Variants in IL1RAPL2 observed in about 807,000 individuals in gnomAD.
IL1RAPL2 encodes X-linked interleukin-1 receptor accessory protein-like 2.
A neutral mutation model predicts 44.1 loss-of-function variants in IL1RAPL2; 3 were observed. The ratio of observed to expected loss-of-function variants is 0.07; its 90% CI spans 0.03 to 0.18. IL1RAPL2 has a LOEUF of 0.18. IL1RAPL2 is among the 10% of genes least tolerant of loss of function. The pLI is 1.00. For missense variants in IL1RAPL2, 391 were observed against 496.4 expected, an observed-to-expected ratio of 0.79 and a Z score of 2.02; for synonymous variants, 181 against 178.8, an observed-to-expected ratio of 1.01 and a Z score of -0.10.
At chrX:105,391,845 G>C (rs1422079960) in intron 5 of IL1RAPL2, among the ~76,000 whole-genome samples, 1 of 85,033 alleles carries the variant, frequency 1.2e-5, no homozygotes, top group Admixed American at 1.4e-4. Context: ...GTCCTTTGTA[G>C]GGACATGGAT....
intron 2 of IL1RAPL2, among the ~76,000 whole-genome samples, chrX:104,867,582 G>C (rs755692402): frequency 1.1e-4 from 12 of 111,865 alleles, no homozygotes; most frequent in Non-Finnish European, 1.5e-4. Flanking sequence ...GAGGGGTTGA[G>C]TCTGGAGATA....
At chrX:104,997,153 A>G (rs528606986) in intron 2 of IL1RAPL2, among the ~76,000 whole-genome samples, 5 of 111,906 alleles carry the variant, frequency 4.5e-5, no homozygotes, top group African/African-American at 1.6e-4. Context: ...TATGGTAGCA[A>G]CTATTCACAT....
intron 3 of IL1RAPL2, among the ~76,000 whole-genome samples, chrX:105,215,187 A>G (rs781855341): frequency 8.9e-6 from 1 of 112,286 alleles, no homozygotes; most frequent in Admixed American, 9.5e-5. Context: ...ATTTTTTGAA[A>G]CGATTAACAA....
chrX:104,760,632 TA>T (rs1569309491), intron 2 of IL1RAPL2, among the ~76,000 whole-genome samples: 1 of 112,274 alleles, frequency 8.9e-6, no homozygotes, highest in Non-Finnish European at 1.9e-5. Flanking sequence ...ATTGGATTTT[TA>T]GATTTTTTTC....
chrX:105,625,912 A>G (rs2037450023), intron 6 of IL1RAPL2, among the ~76,000 whole-genome samples: 2 of 112,108 alleles, frequency 1.8e-5, no homozygotes, highest in Admixed American at 1.9e-4. Context: ...TCTCCACTGC[A>G]TAATAACTCA....
At chrX:105,105,233 T>C (rs767248126) in intron 2 of IL1RAPL2, among the ~76,000 whole-genome samples, 1 of 112,164 alleles carries the variant, frequency 8.9e-6, no homozygotes, top group South Asian at 3.7e-4. Flanking sequence ...AATAATGATT[T>C]ATTGGATGCT....
intron 2 of IL1RAPL2, among the ~76,000 whole-genome samples, chrX:104,715,227 G>C (rs1931535306): frequency 9.2e-6 from 1 of 108,957 alleles, no homozygotes; most frequent in African/African-American, 3.3e-5. Flanking sequence ...ATGTATATGG[G>C]AATTTATCCA....
chrX:104,697,603 G>A (rs770710831), intron 2 of IL1RAPL2, among the ~76,000 whole-genome samples: 5 of 111,763 alleles, frequency 4.5e-5, no homozygotes, highest in South Asian at 3.8e-4. Flanking sequence ...CTATGTTAGG[G>A]CTGGGAATGC....
chrX:104,651,478 T>C (rs1377777417), intron 1 of IL1RAPL2, among the ~76,000 whole-genome samples: 1 of 111,961 alleles, frequency 8.9e-6, no homozygotes, highest in Admixed American at 9.5e-5. Flanking sequence ...TCAACTTTTT[T>C]TGCCACCATT....
chrX:105,183,699 T>C (rs2033556642), intron 2 of IL1RAPL2, among the ~76,000 whole-genome samples: 1 of 111,743 alleles, frequency 8.9e-6, no homozygotes, highest in Non-Finnish European at 1.9e-5. Context: ...TACACTGCTC[T>C]GTTTCCTGGA....
chrX:105,186,528 A>G (rs1379809354), intron 2 of IL1RAPL2, among the ~76,000 whole-genome samples: 2 of 111,590 alleles, frequency 1.8e-5, no homozygotes, highest in African/African-American at 6.5e-5. Context: ...CAGCCTGTCT[A>G]GAGCAGGAAG....
intron 2 of IL1RAPL2, among the ~76,000 whole-genome samples, chrX:104,862,477 G>A (rs781694827): frequency 1.8e-5 from 2 of 110,338 alleles, no homozygotes; most frequent in South Asian, 7.8e-4. Context: ...TATAAGAAGA[G>A]AAGATTAGGA....
chrX:104,886,747 A>T (rs1923257749), intron 2 of IL1RAPL2, among the ~76,000 whole-genome samples: 1 of 112,106 alleles, frequency 8.9e-6, no homozygotes, highest in Non-Finnish European at 1.9e-5. Context: ...GCCTTTGAGG[A>T]TCCCACAGAC....
At position 105,495,972 on chromosome X, in the gene IL1RAPL2, C is replaced by T. The variant is rs1049750979; in HGVS notation, c.772+11585C>T. ...TCAGGAAAAGCTGACCAGCATTTAA[C>T]ATCAACACAGACCTTAAGTCTGATA... is the stretch of plus-strand genomic sequence containing the variant. On this transcript the variant is annotated intron_variant, in intron 6 of 10. Coordinates refer to ENST00000372582, the MANE Select transcript of IL1RAPL2 (RefSeq NM_017416.2). Among the ~76,000 whole-genome samples, 74 of 111,613 alleles carry T rather than the reference C, an allele frequency of 6.6e-4. 1 individual carries two copies. Among genetic ancestry groups the T allele is most frequent in the African/African-American group, 2.0e-3 (61 of 30,744 alleles).
At chrX:105,549,054 A>G (rs1238350214) in intron 6 of IL1RAPL2, among the ~76,000 whole-genome samples, 1 of 111,702 alleles carries the variant, frequency 9.0e-6, no homozygotes, top group African/African-American at 3.3e-5. Context: ...TCAATGCCTT[A>G]GATTTGGTCC....
Position 104,975,008 on chromosome X carries a change from CAG to C in IL1RAPL2, c.83-220466_83-220465del, listed in dbSNP as rs770219503. On this transcript the variant is annotated intron_variant, in intron 2 of 10. Transcript: ENST00000372582. ...CTTGAGATGGGTAACCCTGCAGAGG[CAG>C]GGGGATTAAAGCATTTGCTAATAAT... Among the ~76,000 whole-genome samples, 10 of 112,194 alleles carry C rather than the reference CAG, an allele frequency of 8.9e-5. No individual in the cohort carries two copies. The South Asian group carries it at 3.7e-3, about 41-fold the overall frequency.
At chrX:105,589,313 A>T (rs1331200118) in intron 6 of IL1RAPL2, among the ~76,000 whole-genome samples, 2 of 110,592 alleles carry the variant, frequency 1.8e-5, no homozygotes, top group Non-Finnish European at 3.8e-5. Context: ...GTTGGCAAAA[A>T]TTTTCTCCTA....
chrX:105,661,186 A>G (rs1011649222), intron 6 of IL1RAPL2, among the ~76,000 whole-genome samples: 2 of 112,220 alleles, frequency 1.8e-5, no homozygotes, highest in Non-Finnish European at 3.8e-5. Flanking sequence ...AAGAAGAGAC[A>G]AGATCATTAT....
At chrX:104,869,752 T>A (rs1405170626) in intron 2 of IL1RAPL2, among the ~76,000 whole-genome samples, 3 of 111,975 alleles carry the variant, frequency 2.7e-5, no homozygotes, top group African/African-American at 9.7e-5. Flanking sequence ...CAAGCTGTAT[T>A]ACAAAAGCTA....
Sources: allele counts gnomAD v4.1 joint callset (sites outside exome capture counted in the v4.1 genomes callset), GRCh38; gene constraint gnomAD v4.1.1; transcripts MANE v1.5; gene names NCBI Gene and HGNC (gene_info 2026-07-23, HGNC 2026-07-21).